Variants in GRM1 observed in about 807,000 individuals in gnomAD.
The protein encoded by GRM1 is metabotropic glutamate receptor 1.
In GRM1, 33 loss-of-function variants were observed where a neutral mutation model predicts 90.9. The observed-to-expected ratio is 0.36, with a 90% CI of 0.28 to 0.49. The LOEUF (loss-of-function observed/expected upper bound fraction) is 0.49. Ranked by LOEUF, GRM1 falls within the 20% of genes least tolerant of loss-of-function variation. The probability of loss-of-function intolerance (pLI) is 0.99; values close to 1 mark genes in which losing one functional copy is unlikely to be tolerated. For synonymous variants in GRM1, 700 were observed against 613.2 expected (o/e 1.14, Z -2.09); for missense variants, 1,190 against 1,534.3 (o/e 0.78, Z 3.75).
chr6:146,030,839 TTTC>T (rs1323634355), intron 1 of GRM1, among the ~76,000 whole-genome samples: 8 of 152,184 alleles, frequency 5.3e-5, no homozygotes, highest in African/African-American at 1.9e-4. Context: ...AATAATGTAT[TTTC>T]TTCTTACTTT....
chr6:146,150,994 G>T (rs1353350120), intron 1 of GRM1, among the ~76,000 whole-genome samples: 1 of 151,152 alleles, frequency 6.6e-6, no homozygotes, highest in African/African-American at 2.4e-5. Flanking sequence ...ATTCATCCCA[G>T]TGAAATTATA....
chr6:146,147,475 A>G (rs1242621918), intron 1 of GRM1, among the ~76,000 whole-genome samples: 1 of 152,150 alleles, frequency 6.6e-6, no homozygotes, highest in East Asian at 1.9e-4. Context: ...ACATTATACC[A>G]CCGTTTTAGG....
At chr6:146,294,136 T>A (rs919376182) in intron 2 of GRM1, among the ~76,000 whole-genome samples, 2 of 151,938 alleles carry the variant, frequency 1.3e-5, no homozygotes, top group Non-Finnish European at 2.9e-5. Context: ...GTTTATTCTG[T>A]GTTCTTTTCT....
chr6:146,046,764 AT>A (rs34886478), intron 1 of GRM1, among the ~76,000 whole-genome samples: 40,478 of 151,810 alleles, frequency 0.27, 5,888 homozygotes, highest in Middle Eastern at 0.38. Context: ...GTAAAATAAT[AT>A]TTTTTATGTT....
chr6:146,113,847 G>A (rs1026190943), intron 1 of GRM1, among the ~76,000 whole-genome samples: 2 of 152,118 alleles, frequency 1.3e-5, no homozygotes, highest in African/African-American at 2.4e-5. Flanking sequence ...AAGAATGGGG[G>A]TGAGTTCATG....
chr6:146,172,536 T>C lies in GRM1; in HGVS notation c.950+12939T>C, dbSNP rs1283215765. 5.3e-5 allele frequency among the ~76,000 whole-genome samples: 8 copies of C among 152,290 alleles called. No homozygotes were observed. In the South Asian group the frequency reaches 1.0e-3, roughly 20 times the overall value. On this transcript the variant is annotated intron_variant, in intron 2 of 7. Transcript: ENST00000282753. ...AGAGAGGACAGGTATTAGTAGTCTGTGGAAAAAGCAGTATCTAGGAAATAT... is the reference window on the plus strand; with the variant it reads ...AGAGAGGACAGGTATTAGTAGTCTGCGGAAAAAGCAGTATCTAGGAAATAT...
intron 1 of GRM1, among the ~76,000 whole-genome samples, chr6:146,110,299 A>T (rs1345134733): frequency 1.3e-5 from 2 of 152,104 alleles, no homozygotes; most frequent in African/African-American, 4.8e-5. Flanking sequence ...GGTCTTTCCC[A>T]TGCTGTTCTC....
intron 2 of GRM1, among the ~76,000 whole-genome samples, chr6:146,227,073 ATATC>A (rs1355777676): frequency 2.6e-5 from 4 of 152,134 alleles, no homozygotes; most frequent in Non-Finnish European, 5.9e-5. Flanking sequence ...ATTTCACTAA[ATATC>A]TATCATTTAT....
chr6:146,091,420 G>A lies in GRM1; in HGVS notation c.700+61203G>A, dbSNP rs1037630644. 1.8e-4 allele frequency among the ~76,000 whole-genome samples: 28 copies of A among 152,192 alleles called. 1 individual carries two copies. Among genetic ancestry groups the A allele is most frequent in the African/African-American group, 6.0e-4 (25 of 41,550 alleles). On this transcript the variant is annotated intron_variant, in intron 1 of 7. Transcript: ENST00000282753. ...GTCCTTAGCTCTAATAGGGATTTAG[G>A]TGGAAGGTTGGGAACAGATGTGTGA...
In GRM1 at chr6:146,143,560, G is replaced by T. The variant is rs188819048; in HGVS notation, c.701-15788G>T. Reference sequence around the variant, plus strand: ...GGGTGTTTCTGCAGGGCAGTATCTTGTTCCCTGTTTTTCAGTGACTGCATA... The same window carrying T: ...GGGTGTTTCTGCAGGGCAGTATCTTTTTCCCTGTTTTTCAGTGACTGCATA... On this transcript the variant is annotated intron_variant, in intron 1 of 7. Coordinates refer to ENST00000282753, the MANE Select transcript of GRM1 (RefSeq NM_001278064.2). 1.1e-3 allele frequency among the ~76,000 whole-genome samples: 164 copies of T among 152,274 alleles called. 3 individuals are homozygous for T. In the East Asian group the frequency reaches 0.026, roughly 24 times the overall value.
chr6:146,279,590 C>T (rs1782494810), intron 2 of GRM1, among the ~76,000 whole-genome samples: 1 of 151,926 alleles, frequency 6.6e-6, no homozygotes, highest in South Asian at 2.1e-4. Context: ...AAGTGTGTTG[C>T]TTAATTCAAA....
chr6:146,400,988 TTA>T (rs1777138207), intron 7 of GRM1, among the ~76,000 whole-genome samples: 1 of 152,142 alleles, frequency 6.6e-6, no homozygotes, highest in Non-Finnish European at 1.5e-5. Flanking sequence ...GTAATTCCCC[TTA>T]GTTATTCTTT....
At chr6:146,337,025 G>C (rs184941713) in intron 3 of GRM1, among the ~76,000 whole-genome samples, 1 of 152,160 alleles carries the variant, frequency 6.6e-6, no homozygotes, top group East Asian at 1.9e-4. Context: ...GAACTTATTT[G>C]CCTGTCCCTC....
intron 1 of GRM1, among the ~76,000 whole-genome samples, chr6:146,141,768 A>T (rs1776888340): frequency 6.6e-6 from 1 of 152,168 alleles, no homozygotes; most frequent in Middle Eastern, 3.4e-3. Context: ...AATTTGTCTG[A>T]TAGGATTTTG....
rs192273498 is a variant in GRM1, at chr6:146,367,015, A to T, written c.1602+9321A>T. Among the ~76,000 whole-genome samples the T allele has an allele frequency of 1.3e-3, 194 of 152,134 alleles. 7 individuals are homozygous for T. The East Asian group carries it at 0.035, about 28-fold the overall frequency. On this transcript the variant is annotated intron_variant, in intron 5 of 7. Coordinates refer to ENST00000282753, the MANE Select transcript of GRM1 (RefSeq NM_001278064.2). ...AAATATTTCCCCAATATTTTCCTCT[A>T]GCAGTTTCATAGTTTCAGCTCTGAC... is the stretch of plus-strand genomic sequence containing the variant.
chr6:146,244,884 A>C (rs893752075), intron 2 of GRM1, among the ~76,000 whole-genome samples: 4 of 152,218 alleles, frequency 2.6e-5, no homozygotes, highest in African/African-American at 9.6e-5. Flanking sequence ...GGCCATCAGC[A>C]AACCTTTGGG....
At chr6:146,269,627 TG>T (rs928690458) in intron 2 of GRM1, among the ~76,000 whole-genome samples, 3 of 152,190 alleles carry the variant, frequency 2.0e-5, no homozygotes, top group African/African-American at 7.2e-5. Context: ...CATTACCACC[TG>T]AGCTGGCCTC....
Position 146,123,464 on chromosome 6 carries a change from G to A in GRM1, c.701-35884G>A, listed in dbSNP as rs533600706. Among the ~76,000 whole-genome samples the A allele has an allele frequency of 3.3e-5, 5 of 152,292 alleles. No homozygotes were observed. The South Asian group carries it at 1.0e-3, about 32-fold the overall frequency. Reference sequence around the variant, plus strand: ...CTGCCTCTTCACAAAGGGACCAGAAGTTATCTGGAGCACCACTGGAGTGCT... The same window carrying A: ...CTGCCTCTTCACAAAGGGACCAGAAATTATCTGGAGCACCACTGGAGTGCT... On this transcript the variant is annotated intron_variant, in intron 1 of 7. Coordinates refer to ENST00000282753, the MANE Select transcript of GRM1 (RefSeq NM_001278064.2).
intron 7 of GRM1, among the ~76,000 whole-genome samples, chr6:146,425,527 A>T (rs1441557590): frequency 1.2e-5 from 1 of 80,662 alleles, no homozygotes; most frequent in Non-Finnish European, 3.9e-5. Context: ...TACCCTGGAC[A>T]GTTGTCACCA....
Sources: gnomAD v4.1 joint callset for allele counts (sites outside exome capture counted in the v4.1 genomes callset) on GRCh38, gnomAD v4.1.1 for gene constraint, MANE v1.5 for transcripts, NCBI Gene and HGNC (gene_info 2026-07-23, HGNC 2026-07-21) for gene names.